The following LRPAP1 variants were observed in gnomAD, a reference collection of about 807,000 sequenced individuals.
The protein encoded by LRPAP1 is alpha-2-macroglobulin receptor-associated protein.
LRPAP1 carries 41 observed loss-of-function variants against 39.9 expected under a neutral mutation model. That is an observed-to-expected ratio of 1.03 (90% CI 0.80 to 1.33). LRPAP1 has a LOEUF of 1.33. Among genes scored for constraint, LRPAP1 ranks in the 40% most tolerant of loss-of-function variants. The pLI, the probability that LRPAP1 is intolerant of heterozygous loss-of-function variation, is 0.00. For synonymous variants in LRPAP1, 263 were observed against 212.7 expected, an observed-to-expected ratio of 1.24 and a Z score of -2.06; for missense variants, 565 against 482.3, an observed-to-expected ratio of 1.17 and a Z score of -1.61.
At chr4:3,527,586 A>G (rs1730118898) in intron 1 of LRPAP1, among the ~76,000 whole-genome samples, 1 of 152,200 alleles carries the variant, frequency 6.6e-6, no homozygotes, top group African/African-American at 2.4e-5. Flanking sequence ...CGAGGCCCAC[A>G]GTGATGGTCT....
intron 2 of LRPAP1, among the ~76,000 whole-genome samples, chr4:3,523,857 C>A (rs1017687644): frequency 2.6e-5 from 4 of 152,210 alleles, no homozygotes; most frequent in Non-Finnish European, 4.4e-5. Context: ...CCCACCCCCA[C>A]CACAGTGGGG....
rs1220698724 is a variant in LRPAP1, at chr4:3,503,638, C to T, written c.*9336G>A. The stretch of plus-strand genomic sequence containing the variant: ...ACTTGAAATGAGAAAATATTTTGAA[C>T]TGAATGGCAGTGAAAACACTACACA... On this transcript the variant is annotated 3_prime_UTR_variant, in exon 8 of 8. Coordinates refer to ENST00000650182, the MANE Select transcript of LRPAP1 (RefSeq NM_002337.4). The T allele has an allele frequency of 2.0e-5, 3 of 152,232 alleles. No homozygotes were observed. The highest frequency in any genetic ancestry group is 4.4e-5 in the Non-Finnish European group (3 of 68,046). The allele number at this position is 152,232 out of a possible 1,614,324, so 9.4% of individuals were successfully genotyped here. A position where few individuals can be genotyped will look rare whatever the true frequency, so the allele number is the denominator to read the frequency against.
intron 2 of LRPAP1, among the ~76,000 whole-genome samples, chr4:3,524,179 G>C (rs1282276444): frequency 6.6e-6 from 1 of 152,216 alleles, no homozygotes; most frequent in Non-Finnish European, 1.5e-5. Flanking sequence ...CCGTGGTGAG[G>C]GAGGATGGCG....
At chr4:3,526,843 C>T (rs1482893585) in intron 1 of LRPAP1, among the ~76,000 whole-genome samples, 2 of 152,208 alleles carry the variant, frequency 1.3e-5, no homozygotes, top group East Asian at 3.9e-4. Context: ...CTGTCAGCTC[C>T]GCCCTCTCTT....
rs566535180 is a variant in LRPAP1 at position 3,504,125 on chromosome 4, G to A, written c.*8849C>T. 2 of 152,390 alleles carry A rather than the reference G, an allele frequency of 1.3e-5. No individual in the cohort carries two copies. The highest frequency in any genetic ancestry group is 2.1e-4 in the South Asian group (1 of 4,834). 9.4% of individuals were successfully genotyped at this position (152,390 alleles called of 1,614,324 possible). The stretch of plus-strand genomic sequence containing the variant: ...AGGGTGAATCGGTACCAACCCCCTC[G>A]CCCTATCCTGAATGTGAGCGGGGAA... On this transcript the variant is annotated 3_prime_UTR_variant, in exon 8 of 8. Coordinates refer to ENST00000650182, the MANE Select transcript of LRPAP1 (RefSeq NM_002337.4).
rs1426693302 is a variant in LRPAP1 at position 3,505,088 on chromosome 4, C to T, written c.*7886G>A. On this transcript the variant is annotated 3_prime_UTR_variant, in exon 8 of 8. Transcript: ENST00000650182. ...AAATAATCATGTGCCCTACCATGCA[C>T]GCAGCCATGGTGGCCCGGGTCCTGC... 2.6e-5 allele frequency among the ~76,000 whole-genome samples: 4 copies of T among 152,152 alleles called. No individual in the cohort carries two copies. Among genetic ancestry groups the T allele is most frequent in the Non-Finnish European group, 5.9e-5 (4 of 68,028 alleles).
intron 2 of LRPAP1, 128 bp from the exon 3 acceptor site, chr4:3,520,321 G>T: frequency 2.1e-6 from 2 of 954,694 alleles, no homozygotes; most frequent in Non-Finnish European, 3.1e-6. Context: ...CCTTTCACCT[G>T]TTTCCTGGAT....
At position 3,514,879 on chromosome 4, in the gene LRPAP1, T is replaced by C. The variant is rs1478735892; in HGVS notation, c.884A>G (p.Gln295Arg). Residue 295 changes from glutamine to arginine, a missense_variant, in exon 7 of 8, where the codon CAG becomes CGG. Physicochemically the swap from Gln to Arg is conservative, Grantham distance 43. Transcript: ENST00000650182. ...EAKIEKHNHYQKQLEIAHEKL... is the reference protein window; with the variant it reads ...EAKIEKHNHYRKQLEIAHEKL... ...CTCGTGCGCAATCTCCAGCTGCTTC[T>C]GGTAGTGGTTGTGCTTCTCGATTTT... 2.5e-6 allele frequency: 4 copies of C among 1,613,882 alleles called. No homozygotes were observed. In the Admixed American group the frequency reaches 6.7e-5, roughly 27 times the overall value.
rs1434644851 is a variant in LRPAP1 at position 3,532,212 on chromosome 4, C to G, written c.201G>C (p.Gln67His). The change falls in exon 1 of 8, where the codon CAG (glutamine) becomes CAC (histidine). Residue 67 changes from glutamine (Q) to histidine (H), a missense_variant. Gln to His is a conservative substitution (Grantham distance 24). Coordinates refer to ENST00000650182, the MANE Select transcript of LRPAP1 (RefSeq NM_002337.4). ...ACCGACCGCGGGCCGCGCTCACTCG[C>G]TGGGCCTTCTCCCACAGCTGGTTCA... ...EKLNQLWEKAQRLHLPPVRLA... is the reference protein window; with the variant it reads ...EKLNQLWEKAHRLHLPPVRLA... 1 of 1,550,062 alleles carries G rather than the reference C, an allele frequency of 6.5e-7. No individual in the cohort carries two copies.
chr4:3,513,709 C>T (rs1729606284), intron 7 of LRPAP1, among the ~76,000 whole-genome samples: 1 of 152,186 alleles, frequency 6.6e-6, no homozygotes, highest in Non-Finnish European at 1.5e-5. Context: ...AGAGGGACCT[C>T]CAGCTCCTCA....
At chr4:3,524,799 G>T in intron 2 of LRPAP1, 108 bp downstream of exon 2, 2 of 1,257,132 alleles carry the variant, frequency 1.6e-6, no homozygotes, top group African/African-American at 1.5e-5. Flanking sequence ...TAAGCATAAT[G>T]CAAATATTCC....
intron 2 of LRPAP1, 107 bp downstream of exon 2, chr4:3,524,800 C>T: frequency 7.8e-7 from 1 of 1,274,058 alleles, no homozygotes; most frequent in South Asian, 1.3e-5. Flanking sequence ...AAGCATAATG[C>T]AAATATTCCC....
chr4:3,524,921 A>G lies in LRPAP1; in HGVS notation c.335T>C (p.Ile112Thr), dbSNP rs1221712991. 6 of 1,614,136 alleles carry G rather than the reference A, an allele frequency of 3.7e-6. No individual in the cohort carries two copies. The highest frequency in any genetic ancestry group is 5.1e-6 in the Non-Finnish European group (6 of 1,180,056). Residue 112 changes from isoleucine (I) to threonine (T), a missense_variant, in exon 2 of 8, where the codon ATA becomes ACA. Transcript: ENST00000650182. ...DEDGEKEARL[I>T]RNLNVILAKY... Reference sequence around the variant, plus strand: ...AACAAACGTACCATTGAGGTTGCGTATGAGTCTCGCTTCCTTCTCCCCATC... The same window carrying G: ...AACAAACGTACCATTGAGGTTGCGTGTGAGTCTCGCTTCCTTCTCCCCATC...
At chr4:3,525,285 G>A in intron 1 of LRPAP1, 1 of 534,572 alleles carries the variant, frequency 1.9e-6, no homozygotes, top group Admixed American at 3.2e-5. Flanking sequence ...GTCCATCGGG[G>A]GCTCCCCACC....
chr4:3,518,224 T>C (rs755345870), intron 4 of LRPAP1, 32 bp from the exon 5 acceptor site: 7 of 1,593,558 alleles, frequency 4.4e-6, no homozygotes, highest in Non-Finnish European at 6.0e-6. Flanking sequence ...GCCATGAGGC[T>C]GGGAGTCCTC....
chr4:3,529,774 A>C (rs894659252), intron 1 of LRPAP1, among the ~76,000 whole-genome samples: 2 of 152,200 alleles, frequency 1.3e-5, no homozygotes, highest in African/African-American at 4.8e-5. Context: ...AAGCCCATCA[A>C]AGGCAAAGGT....
At chr4:3,517,948 G>A (rs1453624249) in intron 5 of LRPAP1, 86 bp downstream of exon 5, 12 of 1,489,572 alleles carry the variant, frequency 8.1e-6, no homozygotes, top group South Asian at 7.9e-5. Context: ...GGTTCCCGTC[G>A]CTACAAGCAC....
At chr4:3,518,756 T>C (rs983482994) in intron 4 of LRPAP1, 115 bp downstream of exon 4, 19 of 687,892 alleles carry the variant, frequency 2.8e-5, no homozygotes, top group Non-Finnish European at 3.8e-5. Flanking sequence ...GCCCCTGCTG[T>C]GTTCCTGAGG....
intron 1 of LRPAP1, among the ~76,000 whole-genome samples, chr4:3,526,177 G>A (rs1417847086): frequency 6.6e-6 from 1 of 152,160 alleles, no homozygotes; most frequent in Non-Finnish European, 1.5e-5. Context: ...GGAAGTGCTC[G>A]GCACTGTGCA....
Sources: allele counts gnomAD v4.1 joint callset (sites outside exome capture counted in the v4.1 genomes callset), GRCh38; gene constraint gnomAD v4.1.1; transcripts MANE v1.5; gene names NCBI Gene and HGNC (gene_info 2026-07-23, HGNC 2026-07-21).